Variants in NEBL observed in about 807,000 individuals in gnomAD.
NEBL encodes the protein nebulette.
NEBL carries 122 observed loss-of-function variants against 140.2 expected under a neutral mutation model. That is an observed-to-expected ratio of 0.87 (90% CI 0.75 to 1.01). NEBL has a LOEUF of 1.01. Ranked by LOEUF, NEBL falls within the 50% of genes least tolerant of loss-of-function variation. The probability of loss-of-function intolerance (pLI) is 0.00; values close to 1 mark genes in which losing one functional copy is unlikely to be tolerated. For synonymous variants in NEBL, 436 were observed against 398.9 expected (o/e 1.09, Z -1.11); for missense variants, 1,365 against 1,231.3 (o/e 1.11, Z -1.62).
At chr10:21,102,243 T>C (rs1837511670) in intron 2 of NEBL, among the ~76,000 whole-genome samples, 1 of 152,226 alleles carries the variant, frequency 6.6e-6, no homozygotes, top group Non-Finnish European at 1.5e-5. Context: ...AAATTCTCTA[T>C]ATCTTCTTTT....
chr10:21,031,630 T>C (rs947662502), intron 2 of NEBL, among the ~76,000 whole-genome samples: 5 of 152,174 alleles, frequency 3.3e-5, no homozygotes, highest in African/African-American at 1.2e-4. Context: ...TGAAGCCAGC[T>C]CCAAGCTGCC....
intron 14 of NEBL, among the ~76,000 whole-genome samples, chr10:20,832,028 A>G (rs985395386): frequency 6.6e-6 from 1 of 152,084 alleles, no homozygotes; most frequent in Non-Finnish European, 1.5e-5. Flanking sequence ...AGACAACTCA[A>G]TGTTCCCACT....
intron 2 of NEBL, among the ~76,000 whole-genome samples, chr10:21,166,261 T>G (rs57485525): frequency 2.4e-5 from 2 of 83,004 alleles, no homozygotes; most frequent in Non-Finnish European, 4.4e-5. Flanking sequence ...GAAAAAAAAA[T>G]TTTCTACATC....
chr10:20,998,180 T>C (rs747134986), intron 3 of NEBL, among the ~76,000 whole-genome samples: 4 of 152,156 alleles, frequency 2.6e-5, no homozygotes, highest in Admixed American at 6.5e-5. Flanking sequence ...CTGAGATAGC[T>C]AATAAGAAAC....
intron 4 of NEBL, among the ~76,000 whole-genome samples, chr10:20,920,207 C>A (rs1267066766): frequency 2.0e-5 from 3 of 152,180 alleles, no homozygotes; most frequent in Non-Finnish European, 4.4e-5. Context: ...GGAAACATAA[C>A]TGGTTCAACC....
Position 20,896,958 on chromosome 10 carries a change from A to G in NEBL, c.153T>C (p.Asp51=), listed in dbSNP as rs574611082. The G allele has an allele frequency of 6.2e-7, 1 of 1,613,658 alleles. No individual in the cohort carries two copies. Among genetic ancestry groups the G allele is most frequent in the Admixed American group, 1.7e-5 (1 of 60,018 alleles). The change falls in exon 2 of 28, where the codon GAT becomes GAC. Residue 51 remains aspartate (D), a splice_region_variant and synonymous_variant. Coordinates refer to ENST00000377122, the MANE Select transcript of NEBL (RefSeq NM_006393.3). The stretch of plus-strand genomic sequence containing the variant: ...GACAAAAATTACTCCAGCCACTTAC[A>G]TCGCTAATGAGTTCCGTGCATTTTC... ...LARKCTELIS[D]IRYKEEFKKS...
intron 1 of NEBL, among the ~76,000 whole-genome samples, chr10:21,262,022 C>T (rs77195532): frequency 2.6e-5 from 4 of 152,150 alleles, no homozygotes; most frequent in Admixed American, 2.6e-4. Context: ...CAAAAGGCCC[C>T]TCTCTTTTGT....
At chr10:20,970,943 A>G (rs1315326780) in intron 3 of NEBL, among the ~76,000 whole-genome samples, 1 of 152,248 alleles carries the variant, frequency 6.6e-6, no homozygotes, top group Non-Finnish European at 1.5e-5. Flanking sequence ...AATAAGCAGA[A>G]GTGAAAGTGG....
chr10:20,818,682 G>A (rs1838977267), intron 20 of NEBL: 1 of 550,784 alleles, frequency 1.8e-6, no homozygotes, highest in Admixed American at 6.4e-5. Flanking sequence ...TGAGGTCCTT[G>A]AGGATAGAAA....
At chr10:20,941,300 G>A (rs529739486) in intron 4 of NEBL, among the ~76,000 whole-genome samples, 41 of 152,236 alleles carry the variant, frequency 2.7e-4, no homozygotes, top group African/African-American at 8.9e-4. Flanking sequence ...ATCAATAAAC[G>A]TAATCCAGCA....
chr10:21,077,382 G>A (rs1478546250), intron 2 of NEBL, among the ~76,000 whole-genome samples: 1 of 152,062 alleles, frequency 6.6e-6, no homozygotes, highest in Non-Finnish European at 1.5e-5. Context: ...AAGCGGGTGG[G>A]TCACAAGGTC....
Position 20,828,591 on chromosome 10 carries a change from G to A in NEBL, c.1715C>T (p.Ser572Phe), listed in dbSNP as rs778833975. 67 of 1,594,096 alleles carry A rather than the reference G, an allele frequency of 4.2e-5. No individual in the cohort carries two copies. Among genetic ancestry groups the A allele is most frequent in the Non-Finnish European group, 5.7e-5 (66 of 1,162,408 alleles). Residue 572 changes from serine (S) to phenylalanine (F), a missense_variant, in exon 17 of 28, where the codon TCT (serine) becomes TTT (phenylalanine). Around this residue, in one of 2 missense-constraint regions of NEBL, gnomAD observed 1,323 missense variants for 1,154.8 expected, o/e 1.15. Coordinates refer to ENST00000377122, the MANE Select transcript of NEBL (RefSeq NM_006393.3). Reference protein sequence around the residue: ...DEAEKMLSNYSTIADTPEIQR... With the variant: ...DEAEKMLSNYFTIADTPEIQR... ...AATTTCAGGAGTATCTGCTATGGTAGAATAGTTAGAAAGCATCTTCTCTGC... is the reference window on the plus strand; with the variant it reads ...AATTTCAGGAGTATCTGCTATGGTAAAATAGTTAGAAAGCATCTTCTCTGC...
chr10:20,785,659 C>T lies in NEBL; in HGVS notation c.*88G>A, dbSNP rs929286781. 1.4e-6 allele frequency: 2 copies of T among 1,446,188 alleles called. No individual in the cohort carries two copies. The highest frequency in any genetic ancestry group is 2.0e-5 in the Admixed American group (1 of 51,212). The allele number at this position is 1,446,188 out of a possible 1,614,324, so 89.6% of individuals were successfully genotyped here. Reference sequence around the variant, plus strand: ...AGGATACATCATTGTAAAATAATGGCCAAGTTGTCTTAAAAGTATCTTCTA... The same window carrying T: ...AGGATACATCATTGTAAAATAATGGTCAAGTTGTCTTAAAAGTATCTTCTA... On this transcript the variant is annotated 3_prime_UTR_variant, in exon 28 of 28. Transcript: ENST00000377122.
intron 3 of NEBL, among the ~76,000 whole-genome samples, chr10:20,980,950 T>C (rs1837015241): frequency 6.6e-6 from 1 of 152,180 alleles, no homozygotes; most frequent in African/African-American, 2.4e-5. Flanking sequence ...TCATCTAACA[T>C]TTTTTATTCC....
chr10:21,241,271 A>C lies in NEBL; in HGVS notation n.348+6650T>G, dbSNP rs1385888085. Among the ~76,000 whole-genome samples, 3 of 151,332 alleles carry C rather than the reference A, an allele frequency of 2.0e-5. No individual in the cohort carries two copies. In the East Asian group the frequency reaches 5.8e-4, roughly 29 times the overall value. On this transcript the variant is annotated intron_variant and non_coding_transcript_variant, in intron 3 of 8. Transcript: ENST00000675702. ...AAATAAATAAATAAATAAATAAATA[A>C]ATAAATAAATAAATAAAAATAAAAA...
chr10:21,185,976 C>T (rs1181471661), intron 3 of NEBL, among the ~76,000 whole-genome samples: 1 of 152,098 alleles, frequency 6.6e-6, no homozygotes, highest in African/African-American at 2.4e-5. Flanking sequence ...TCCAGAGAAG[C>T]TCACTAAAGT....
Position 21,222,761 on chromosome 10 carries a change from T to C in NEBL, n.348+25160A>G, listed in dbSNP as rs147255932. Among the ~76,000 whole-genome samples, 44 of 152,320 alleles carry C rather than the reference T, an allele frequency of 2.9e-4. 1 individual carries two copies. In the East Asian group the frequency reaches 7.7e-3, roughly 27 times the overall value. ...TACAAGCAATCCAATTATGCTCTTTTAGTTTTCTTTTTTTTTGTTAGACAG... is the reference window on the plus strand; with the variant it reads ...TACAAGCAATCCAATTATGCTCTTTCAGTTTTCTTTTTTTTTGTTAGACAG... On this transcript the variant is annotated intron_variant and non_coding_transcript_variant, in intron 3 of 8. Coordinates refer to the NEBL transcript ENST00000675702.
rs147015550 is a variant in NEBL, at chr10:21,256,080, G to A, written n.183-4252C>T. On this transcript the variant is annotated intron_variant and non_coding_transcript_variant, in intron 1 of 8. Coordinates refer to the NEBL transcript ENST00000675702. ...TACTGAAATTTATTTTTATGTCCCT[G>A]TTTTGGGGATTGAGTCTTGCTCTCT... Among the ~76,000 whole-genome samples, 46 of 152,038 alleles carry A rather than the reference G, an allele frequency of 3.0e-4. 1 individual carries two copies. The East Asian group carries it at 7.2e-3, about 24-fold the overall frequency.
At chr10:20,818,761 G>C in intron 20 of NEBL, 8 of 980,012 alleles carry the variant, frequency 8.2e-6, no homozygotes, top group Non-Finnish European at 9.7e-6. Context: ...ACTTAATGAA[G>C]ATCTCTTGAA....
Sources: allele counts gnomAD v4.1 joint callset (sites outside exome capture counted in the v4.1 genomes callset), GRCh38; gene constraint gnomAD v4.1.1; regional missense constraint gnomAD v4.1.1; transcripts MANE v1.5; gene names NCBI Gene and HGNC (gene_info 2026-07-23, HGNC 2026-07-21).